The following CRPPA variants were observed in gnomAD, a reference collection of about 807,000 sequenced individuals.
The protein encoded by CRPPA is CDP-L-ribitol pyrophosphorylase A, also known as D-ribitol-5-phosphate cytidylyltransferase.
Under a neutral mutation model 52.0 loss-of-function variants are expected in CRPPA, and 43 were observed. That is an observed-to-expected ratio of 0.83 (90% CI 0.65 to 1.07). CRPPA has a LOEUF of 1.07. Ranked by LOEUF, CRPPA falls within the 50% of genes least tolerant of loss-of-function variation. The pLI, the probability that CRPPA is intolerant of heterozygous loss-of-function variation, is 0.00. For missense variants in CRPPA, 629 were observed against 551.7 expected, an observed-to-expected ratio of 1.14 and a Z score of -1.40; for synonymous variants, 250 against 203.5, an observed-to-expected ratio of 1.23 and a Z score of -1.94.
At chr7:16,214,300 T>G (rs573654033) in intron 9 of CRPPA, among the ~76,000 whole-genome samples, 1 of 152,188 alleles carries the variant, frequency 6.6e-6, no homozygotes, top group African/African-American at 2.4e-5. Flanking sequence ...TACAGTGCAG[T>G]GCATACAGAC....
At chr7:16,316,806 A>G (rs1455646548) in intron 3 of CRPPA, among the ~76,000 whole-genome samples, 2 of 152,108 alleles carry the variant, frequency 1.3e-5, no homozygotes, top group Non-Finnish European at 2.9e-5. Context: ...GCAGTGAACC[A>G]CAATCACACC....
intron 8 of CRPPA, among the ~76,000 whole-genome samples, chr7:16,244,986 A>T (rs573389501): frequency 6.6e-6 from 1 of 152,128 alleles, no homozygotes; most frequent in Non-Finnish European, 1.5e-5. Flanking sequence ...GAAGCAAGTG[A>T]TCACACTCCT....
intron 9 of CRPPA, among the ~76,000 whole-genome samples, chr7:16,178,811 A>G (rs1292265753): frequency 6.6e-6 from 1 of 152,042 alleles, no homozygotes; most frequent in African/African-American, 2.4e-5. Context: ...TTTAAAAGAT[A>G]AATCTAGTAT....
At chr7:16,304,062 G>A (rs1253036823) in intron 4 of CRPPA, among the ~76,000 whole-genome samples, 1 of 152,160 alleles carries the variant, frequency 6.6e-6, no homozygotes, top group Non-Finnish European at 1.5e-5. Flanking sequence ...AGTGTAGTAA[G>A]AGACCAAGTT....
intron 9 of CRPPA, among the ~76,000 whole-genome samples, chr7:16,112,175 T>A (rs1226368507): frequency 6.6e-6 from 1 of 151,932 alleles, no homozygotes; most frequent in Non-Finnish European, 1.5e-5. Context: ...ATTAGCCAGG[T>A]GTGGTGGCAT....
At chr7:16,408,756 G>C (rs1371939929) in intron 1 of CRPPA, among the ~76,000 whole-genome samples, 1 of 152,182 alleles carries the variant, frequency 6.6e-6, no homozygotes, top group Non-Finnish European at 1.5e-5. Context: ...TATGGAGATG[G>C]TCCTGAATTA....
intron 9 of CRPPA, among the ~76,000 whole-genome samples, chr7:16,111,543 T>C (rs1007692805): frequency 4.6e-5 from 7 of 152,240 alleles, no homozygotes; most frequent in Admixed American, 1.3e-4. Context: ...TCAACAGATT[T>C]ATTGTTTAAG....
chr7:16,335,039 G>C (rs937625154), intron 3 of CRPPA, among the ~76,000 whole-genome samples: 3 of 151,452 alleles, frequency 2.0e-5, no homozygotes, highest in African/African-American at 7.3e-5. Context: ...AGACGTTCAG[G>C]CCAGGTGAAG....
chr7:16,389,921 AAAAAAAAATATATATATAT>A (rs1562673712), intron 2 of CRPPA, among the ~76,000 whole-genome samples: 1 of 80,982 alleles, frequency 1.2e-5, no homozygotes, highest in East Asian at 3.6e-4. Flanking sequence ...TACAAAAAAA[AAAAAAAAATATATATATAT>A]ATATATATAT....
At chr7:16,288,675 C>A (rs945565462) in intron 5 of CRPPA, among the ~76,000 whole-genome samples, 1 of 151,468 alleles carries the variant, frequency 6.6e-6, no homozygotes, top group Non-Finnish European at 1.5e-5. Flanking sequence ...GTGAGACCCC[C>A]ATCTCTGCTA....
At chr7:16,188,373 T>G (rs1288026656) in intron 9 of CRPPA, among the ~76,000 whole-genome samples, 1 of 152,180 alleles carries the variant, frequency 6.6e-6, no homozygotes, top group Non-Finnish European at 1.5e-5. Context: ...GACTATTAAA[T>G]ACATAGTTCA....
chr7:16,296,095 G>T (rs939937383), intron 5 of CRPPA, among the ~76,000 whole-genome samples: 20 of 152,034 alleles, frequency 1.3e-4, no homozygotes, highest in Non-Finnish European at 1.0e-4. Flanking sequence ...AAAGACAAAT[G>T]AAACTACCAC....
chr7:16,201,133 T>C (rs1406455661), intron 9 of CRPPA, among the ~76,000 whole-genome samples: 3 of 152,216 alleles, frequency 2.0e-5, no homozygotes, highest in African/African-American at 7.2e-5. Context: ...ACACACACCA[T>C]TTAGTTTGAT....
Position 16,121,425 on chromosome 7 carries a change from A to C in CRPPA, c.1252-29626T>G, listed in dbSNP as rs368736979. ...TCCCAAAAAATAAAAAAAATTACCT[A>C]GTTAATTTATGTTTACAATGTGAAT... On this transcript the variant is annotated intron_variant, in intron 9 of 9. Coordinates refer to ENST00000407010, the MANE Select transcript of CRPPA (RefSeq NM_001101426.4). Among the ~76,000 whole-genome samples, 23 of 152,188 alleles carry C rather than the reference A, an allele frequency of 1.5e-4. No homozygotes were observed. The South Asian group carries it at 4.4e-3, about 29-fold the overall frequency.
At chr7:16,301,091 T>C (rs1381947394) in intron 5 of CRPPA, among the ~76,000 whole-genome samples, 2 of 152,322 alleles carry the variant, frequency 1.3e-5, no homozygotes, top group East Asian at 1.9e-4. Flanking sequence ...AGGGCAGTCC[T>C]CTTAATAGTA....
chr7:16,256,534 C>T (rs781655027), intron 8 of CRPPA, among the ~76,000 whole-genome samples: 3 of 152,132 alleles, frequency 2.0e-5, no homozygotes, highest in Non-Finnish European at 4.4e-5. Flanking sequence ...CAGTGATAGA[C>T]TGGATAAAGA....
chr7:16,409,492 G>A (rs2128319019), intron 1 of CRPPA, among the ~76,000 whole-genome samples: 1 of 152,300 alleles, frequency 6.6e-6, no homozygotes, highest in South Asian at 2.1e-4. Context: ...TGTAATCTGG[G>A]CAATGCAATG....
intron 4 of CRPPA, among the ~76,000 whole-genome samples, chr7:16,306,296 G>A (rs1252241407): frequency 6.6e-6 from 1 of 152,160 alleles, no homozygotes; most frequent in East Asian, 1.9e-4. Context: ...CCCTAAAAAG[G>A]GACTCACCAG....
chr7:16,196,284 C>T (rs959317096), intron 9 of CRPPA, among the ~76,000 whole-genome samples: 2 of 152,098 alleles, frequency 1.3e-5, no homozygotes, highest in African/African-American at 4.8e-5. Context: ...TCCTCACTAG[C>T]ATATGACAGA....
Sources: allele counts gnomAD v4.1 joint callset (sites outside exome capture counted in the v4.1 genomes callset), GRCh38; gene constraint gnomAD v4.1.1; transcripts MANE v1.5; gene names NCBI Gene and HGNC (gene_info 2026-07-23, HGNC 2026-07-21).